Variants in PCDHGB6 observed in about 807,000 individuals in gnomAD.
PCDHGB6 encodes the protein protocadherin gamma-B6.
A neutral mutation model predicts 59.1 loss-of-function variants in PCDHGB6; 51 were observed. The observed-to-expected ratio is 0.86, with a 90% CI of 0.69 to 1.09. The LOEUF (loss-of-function observed/expected upper bound fraction) is 1.09, where lower values mean the gene tolerates loss of function less well. Ranked by LOEUF, PCDHGB6 falls within the 50% of genes least tolerant of loss-of-function variation. PCDHGB6 has a pLI of 0.00. For synonymous variants in PCDHGB6, 466 were observed against 495.1 expected, an observed-to-expected ratio of 0.94 and a Z score of 0.78; for missense variants, 1,148 against 1,205.1, an observed-to-expected ratio of 0.95 and a Z score of 0.70.
chr5:141,415,206 G>A, intron 1 of PCDHGB6: 4 of 1,614,054 alleles, frequency 2.5e-6, no homozygotes, highest in African/African-American at 1.3e-5. Flanking sequence ...AAGTCCTGGC[G>A]GACCTCGGCA....
chr5:141,470,597 T>A (rs1309687738), intron 1 of PCDHGB6, among the ~76,000 whole-genome samples: 5 of 152,216 alleles, frequency 3.3e-5, no homozygotes, highest in Non-Finnish European at 7.3e-5. Flanking sequence ...AGGCGACCTG[T>A]GCGGGGACAC....
At chr5:141,414,242 T>TA in intron 1 of PCDHGB6, 2 of 1,613,538 alleles carry the variant, frequency 1.2e-6, no homozygotes, top group Non-Finnish European at 1.7e-6. Context: ...ATCACGTCTC[T>TA]ATTTAGTCCA....
chr5:141,435,951 G>A (rs371199258), intron 1 of PCDHGB6, among the ~76,000 whole-genome samples: 1 of 152,100 alleles, frequency 6.6e-6, no homozygotes, highest in Non-Finnish European at 1.5e-5. Context: ...ACCAAAAAAG[G>A]GGGCAAAATA....
chr5:141,428,029 C>G, intron 1 of PCDHGB6: 2 of 1,607,160 alleles, frequency 1.2e-6, no homozygotes, highest in Non-Finnish European at 1.7e-6. Flanking sequence ...GCCGCAGAGT[C>G]CGGCTACCTG....
chr5:141,496,140 T>C (rs1172903212), intron 2 of PCDHGB6, among the ~76,000 whole-genome samples: 1 of 152,006 alleles, frequency 6.6e-6, no homozygotes, highest in Admixed American at 6.6e-5. Flanking sequence ...CACTGAGCCT[T>C]TGATCGCAGC....
rs766191511 is a variant in PCDHGB6, at chr5:141,432,498, G to T, written c.2418+21878G>T. ...TCCACTGGCGTGGAGCTGGCTCCCC[G>T]CTCCGCAGAGCCCGGCTACCTGGTG... On this transcript the variant is annotated intron_variant, in intron 1 of 3. Coordinates refer to ENST00000520790, the MANE Select transcript of PCDHGB6 (RefSeq NM_018926.3). The surrounding 1 kb of genome is among the most constrained non-coding windows in gnomAD (Gnocchi z 6.0). The T allele has an allele frequency of 6.2e-7, 1 of 1,614,106 alleles. No homozygotes were observed. The highest frequency in any genetic ancestry group is 8.5e-7 in the Non-Finnish European group (1 of 1,180,052).
intron 2 of PCDHGB6, among the ~76,000 whole-genome samples, chr5:141,501,703 G>A (rs183907124): frequency 6.6e-6 from 1 of 152,088 alleles, no homozygotes; most frequent in Non-Finnish European, 1.5e-5. Flanking sequence ...GTGATTCCGA[G>A]GATAAAAAAG....
chr5:141,437,628 T>C (rs2097897572), intron 1 of PCDHGB6, among the ~76,000 whole-genome samples: 1 of 152,212 alleles, frequency 6.6e-6, no homozygotes, highest in African/African-American at 2.4e-5. Context: ...CCATATAAGA[T>C]GTCAGGTTCA....
At position 141,414,317 on chromosome 5, in the gene PCDHGB6, AG is replaced by A. The variant is rs757847465; in HGVS notation, c.2418+3698del. On this transcript the variant is annotated intron_variant, in intron 1 of 3. Transcript: ENST00000520790. The stretch of plus-strand genomic sequence containing the variant: ...TTAAATGTGCATGATTTAGACTCTG[AG>A]CAGAATGGACAGGTAACCTGTTCCA... The A allele has an allele frequency of 1.9e-6, 3 of 1,613,828 alleles. No individual in the cohort carries two copies. In the South Asian group the frequency reaches 3.3e-5, roughly 18 times the overall value.
intron 1 of PCDHGB6, 82 bp from the exon 2 acceptor site, chr5:141,494,725 C>G: frequency 6.2e-7 from 1 of 1,610,026 alleles, no homozygotes; most frequent in East Asian, 2.2e-5. Flanking sequence ...CCCTCCTTCT[C>G]TCCCGGCCCA....
At chr5:141,422,887 C>T in intron 1 of PCDHGB6, 1 of 1,614,264 alleles carries the variant, frequency 6.2e-7, no homozygotes, top group Non-Finnish European at 8.5e-7. Context: ...CCTGTTCGTG[C>T]TGGACCAGAA....
At position 141,485,379 on chromosome 5, in the gene PCDHGB6, A is replaced by G. The variant is rs749607481; in HGVS notation, c.2419-9428A>G. 12 of 1,613,934 alleles carry G rather than the reference A, an allele frequency of 7.4e-6. No homozygotes were observed. In the Admixed American group the frequency reaches 1.8e-4, roughly 25 times the overall value. The stretch of plus-strand genomic sequence containing the variant: ...GCTCGCAGGCTGCAGGTCGCTGGAG[A>G]GGTGAACCAAAGACACTTCCGTGTG... On this transcript the variant is annotated intron_variant, in intron 1 of 3. Coordinates refer to ENST00000520790, the MANE Select transcript of PCDHGB6 (RefSeq NM_018926.3). This position sits in a 1 kb window ranked among gnomAD's most constrained non-coding sequence, Gnocchi z 5.7.
chr5:141,477,158 A>G lies in PCDHGB6; in HGVS notation c.2419-17649A>G, dbSNP rs1476516538. 1.2e-6 allele frequency: 2 copies of G among 1,614,154 alleles called. No individual in the cohort carries two copies. Among genetic ancestry groups the G allele is most frequent in the Non-Finnish European group, 1.7e-6 (2 of 1,180,018 alleles). ...GGTGGAGGTTGTGGATGTGAATGACAACGCCCCGGAGATCACAGTCACCTC... is the reference window on the plus strand; with the variant it reads ...GGTGGAGGTTGTGGATGTGAATGACGACGCCCCGGAGATCACAGTCACCTC... On this transcript the variant is annotated intron_variant, in intron 1 of 3. Coordinates refer to ENST00000520790, the MANE Select transcript of PCDHGB6 (RefSeq NM_018926.3). This position sits in a 1 kb window ranked among gnomAD's most constrained non-coding sequence, Gnocchi z 4.9.
At chr5:141,466,054 G>A (rs2099115921) in intron 1 of PCDHGB6, among the ~76,000 whole-genome samples, 1 of 152,080 alleles carries the variant, frequency 6.6e-6, no homozygotes, top group Non-Finnish European at 1.5e-5. Context: ...CCCAGGAGAC[G>A]GAGCTTGCAG....
intron 1 of PCDHGB6, among the ~76,000 whole-genome samples, chr5:141,467,628 CA>C (rs1301043003): frequency 6.6e-6 from 1 of 152,106 alleles, no homozygotes; most frequent in Non-Finnish European, 1.5e-5. Context: ...TTTGAGATAG[CA>C]TCTTTATCAT....
At position 141,476,978 on chromosome 5, in the gene PCDHGB6, C is replaced by T; in HGVS notation, c.2419-17829C>T. 2 of 1,614,256 alleles carry T rather than the reference C, an allele frequency of 1.2e-6. No homozygotes were observed. Among genetic ancestry groups the T allele is most frequent in the Non-Finnish European group, 1.7e-6 (2 of 1,180,058 alleles). ...TATTTACTCCTTCGGCAGCCACAAC[C>T]GCGCCGGCGTGCGGCAACTATTCGC... On this transcript the variant is annotated intron_variant, in intron 1 of 3. Coordinates refer to ENST00000520790, the MANE Select transcript of PCDHGB6 (RefSeq NM_018926.3). This position sits in a 1 kb window ranked among gnomAD's most constrained non-coding sequence, Gnocchi z 7.6.
chr5:141,479,606 T>TA (rs1315315740), intron 1 of PCDHGB6: 1 of 152,184 alleles, frequency 6.6e-6, no homozygotes, highest in Non-Finnish European at 1.5e-5. Context: ...GCCTAGGCAA[T>TA]ATAGGGAAAC....
At chr5:141,498,231 A>T (rs1213697084) in intron 2 of PCDHGB6, among the ~76,000 whole-genome samples, 1 of 152,268 alleles carries the variant, frequency 6.6e-6, no homozygotes, top group East Asian at 1.9e-4. Flanking sequence ...ATGGTCAGGC[A>T]TACCAGCTTC....
chr5:141,477,379 A>C lies in PCDHGB6; in HGVS notation c.2419-17428A>C, dbSNP rs1293075706. The stretch of plus-strand genomic sequence containing the variant: ...CAGACCTGGATCGGGAGACTGTGCC[A>C]GAATACAACCTCAGCATCACCGCCC... On this transcript the variant is annotated intron_variant, in intron 1 of 3. Transcript: ENST00000520790. This position sits in a 1 kb window ranked among gnomAD's most constrained non-coding sequence, Gnocchi z 4.9. 2 of 1,614,184 alleles carry C rather than the reference A, an allele frequency of 1.2e-6. No homozygotes were observed. Among genetic ancestry groups the C allele is most frequent in the Non-Finnish European group, 1.7e-6 (2 of 1,180,034 alleles).
Sources: gnomAD v4.1 joint callset for allele counts (sites outside exome capture counted in the v4.1 genomes callset) on GRCh38, gnomAD v4.1.1 for gene constraint, Gnocchi (gnomAD v3.1) non-coding constraint, MANE v1.5 for transcripts, NCBI Gene and HGNC (gene_info 2026-07-23, HGNC 2026-07-21) for gene names.